Variants in ANO3 observed in about 807,000 individuals in gnomAD.
The protein encoded by ANO3 is anoctamin-3.
A neutral mutation model predicts 144.8 loss-of-function variants in ANO3; 99 were observed. That is an observed-to-expected ratio of 0.68 (90% CI 0.58 to 0.81). The LOEUF (loss-of-function observed/expected upper bound fraction) is 0.81, where lower values mean the gene tolerates loss of function less well. Among genes scored for constraint, ANO3 ranks in the 30% least tolerant of loss-of-function variants. ANO3 has a pLI of 0.00. For missense variants in ANO3, 905 were observed against 1,202.2 expected, an observed-to-expected ratio of 0.75 and a Z score of 3.66; for synonymous variants, 414 against 392.6, an observed-to-expected ratio of 1.05 and a Z score of -0.64.
chr11:26,625,070 C>T (rs972070652), intron 18 of ANO3, among the ~76,000 whole-genome samples: 1 of 152,060 alleles, frequency 6.6e-6, no homozygotes, highest in Non-Finnish European at 1.5e-5. Context: ...GGACTACAGG[C>T]GCCTGCCACC....
chr11:26,635,087 G>A lies in ANO3; in HGVS notation c.2043+17G>A. ...CTGGAGGAAGTAAGTAACTTTGGGA[G>A]TGTGGGTGCAGGAATGGGCATGGAT... On this transcript the variant is annotated intron_variant, in intron 20 of 26. Coordinates refer to ENST00000256737, the MANE Select transcript of ANO3 (RefSeq NM_031418.4). 6.2e-7 allele frequency: 1 copy of A among 1,612,254 alleles called. No individual in the cohort carries two copies. The highest frequency in any genetic ancestry group is 8.5e-7 in the Non-Finnish European group (1 of 1,178,530).
intron 1 of ANO3, among the ~76,000 whole-genome samples, chr11:26,334,899 A>G (rs1170805011): frequency 6.6e-6 from 1 of 152,204 alleles, no homozygotes; most frequent in Non-Finnish European, 1.5e-5. Context: ...TATTATTTTT[A>G]AAGTTTCCAC....
chr11:26,292,299 T>C (rs1853977636), intron 1 of ANO3, among the ~76,000 whole-genome samples: 2 of 152,256 alleles, frequency 1.3e-5, no homozygotes, highest in South Asian at 4.2e-4. Flanking sequence ...TTATTCTAGT[T>C]AGCCATTCAT....
chr11:26,630,416 C>T (rs1852738622), intron 18 of ANO3, among the ~76,000 whole-genome samples: 1 of 152,194 alleles, frequency 6.6e-6, no homozygotes, highest in Admixed American at 6.5e-5. Flanking sequence ...TTATTATTGT[C>T]ACTTGACATT....
intron 14 of ANO3, among the ~76,000 whole-genome samples, chr11:26,596,847 CCAGGAGTT>C (rs1262521560): frequency 6.6e-6 from 1 of 152,194 alleles, no homozygotes; most frequent in Non-Finnish European, 1.5e-5. Flanking sequence ...CCGGCCAATG[CCAGGAGTT>C]CAGGACGACA....
chr11:26,253,420 G>A (rs1295201831), intron 1 of ANO3, among the ~76,000 whole-genome samples: 1 of 152,058 alleles, frequency 6.6e-6, no homozygotes, highest in Non-Finnish European at 1.5e-5. Flanking sequence ...AGGGTGAGAG[G>A]AGGGAGAGGA....
intron 1 of ANO3, among the ~76,000 whole-genome samples, chr11:26,361,115 A>G (rs1855915178): frequency 6.6e-6 from 1 of 152,208 alleles, no homozygotes. Context: ...TACTAATTTA[A>G]CTATATCGGA....
chr11:26,494,815 G>A (rs772540648), intron 4 of ANO3, among the ~76,000 whole-genome samples: 4 of 152,122 alleles, frequency 2.6e-5, no homozygotes, highest in Non-Finnish European at 5.9e-5. Context: ...TGAGCTCCAG[G>A]AGATCTATGA....
chr11:26,499,727 T>C (rs947411507), intron 4 of ANO3, among the ~76,000 whole-genome samples: 2 of 151,928 alleles, frequency 1.3e-5, no homozygotes, highest in Non-Finnish European at 1.5e-5. Context: ...ATTCCTATGT[T>C]AGCTTCTGTA....
chr11:26,454,767 C>CA (rs562833535), intron 3 of ANO3, among the ~76,000 whole-genome samples: 24,555 of 151,658 alleles, frequency 0.16, 2,168 homozygotes, highest in South Asian at 0.31. Flanking sequence ...AGAGACACAA[C>CA]AAAAAAAGAG....
chr11:26,448,888 C>CAATATT lies in ANO3; in HGVS notation c.313+5052_313+5053insAATATT, dbSNP rs1339434401. On this transcript the variant is annotated intron_variant, in intron 3 of 26. Transcript: ENST00000256737. ...GTCCGTCTGCTACCTTCTGTTGGTA[C>CAATATT]GCTGGTACAATAACTTCCGAACAGA... is the stretch of plus-strand genomic sequence containing the variant. Among the ~76,000 whole-genome samples, 1,262 of 152,266 alleles carry CAATATT rather than the reference C, an allele frequency of 8.3e-3. 17 individuals are homozygous for CAATATT. The highest frequency in any genetic ancestry group is 0.029 in the African/African-American group (1,190 of 41,542).
At chr11:26,382,069 TATTA>T (rs1028208820) in intron 1 of ANO3, among the ~76,000 whole-genome samples, 1 of 152,204 alleles carries the variant, frequency 6.6e-6, no homozygotes, top group African/African-American at 2.4e-5. Context: ...GTTAATAATT[TATTA>T]TGCATATGTA....
intron 1 of ANO3, among the ~76,000 whole-genome samples, chr11:26,347,699 A>C (rs1052334591): frequency 2.6e-5 from 4 of 152,198 alleles, no homozygotes; most frequent in Non-Finnish European, 5.9e-5. Context: ...TTTTATTAGC[A>C]CTTGAGAGAG....
chr11:26,586,501 A>ATTTTTTTTTTTTTTTTTTT (rs1281089936), intron 14 of ANO3, among the ~76,000 whole-genome samples: 3 of 40,016 alleles, frequency 7.5e-5, no homozygotes, highest in African/African-American at 2.7e-4. Flanking sequence ...CCTGGTGAGA[A>ATTTTTTTTTTTTTTTTTTT]TCTTTTTTTT....
intron 3 of ANO3, among the ~76,000 whole-genome samples, chr11:26,449,511 ACACACACACG>A (rs56251676): frequency 0.26 from 38,028 of 147,402 alleles, 5,497 homozygotes; most frequent in Middle Eastern, 0.34. Context: ...ACACACACAC[ACACACACACG>A]CACGCACATC....
intron 5 of ANO3, among the ~76,000 whole-genome samples, chr11:26,514,037 G>A (rs1861768332): frequency 6.6e-6 from 1 of 150,950 alleles, no homozygotes; most frequent in Non-Finnish European, 1.5e-5. Flanking sequence ...AATACATAAA[G>A]ATGAAAAGGA....
intron 1 of ANO3, among the ~76,000 whole-genome samples, chr11:26,349,840 G>A (rs1232479871): frequency 6.6e-6 from 1 of 152,126 alleles, no homozygotes; most frequent in African/African-American, 2.4e-5. Context: ...GAGCTACCAC[G>A]CCCGGCCGAG....
chr11:26,465,998 G>A (rs1859589945), intron 4 of ANO3, among the ~76,000 whole-genome samples: 1 of 151,796 alleles, frequency 6.6e-6, no homozygotes, highest in Non-Finnish European at 1.5e-5. Flanking sequence ...TATTTATACT[G>A]AAATTATTCA....
intron 1 of ANO3, among the ~76,000 whole-genome samples, chr11:26,430,824 T>C (rs551509180): frequency 1.3e-5 from 2 of 152,328 alleles, no homozygotes; most frequent in South Asian, 4.1e-4. Context: ...GAAATACTTT[T>C]TGTCCAAATT....
Sources: gnomAD v4.1 joint callset for allele counts (sites outside exome capture counted in the v4.1 genomes callset) on GRCh38, gnomAD v4.1.1 for gene constraint, MANE v1.5 for transcripts, NCBI Gene and HGNC (gene_info 2026-07-23, HGNC 2026-07-21) for gene names.